The following RREB1 variants were observed in gnomAD, a reference collection of about 807,000 sequenced individuals.
RREB1 encodes the protein ras responsive element binding protein 1, also known as ras-responsive element-binding protein 1.
In RREB1, 27 loss-of-function variants were observed where a neutral mutation model predicts 117.8. The observed-to-expected ratio is 0.23, with a 90% confidence interval of 0.17 to 0.32. RREB1 has a LOEUF of 0.32. Ranked by LOEUF, RREB1 falls within the 10% of genes least tolerant of loss-of-function variation. RREB1 has a pLI of 1.00. For synonymous variants in RREB1, 1,298 were observed against 1,026.7 expected (o/e 1.26, Z -5.05); for missense variants, 2,577 against 2,378.2 (o/e 1.08, Z -1.74).
chr6:7,240,312 A>G, intron 10 of RREB1, 126 bp from the exon 11 acceptor site: 1 of 583,632 alleles, frequency 1.7e-6, no homozygotes. Context: ...TGTTTTGTTA[A>G]TTTTCTTGAA....
chr6:7,228,679 A>AT (rs377645284), intron 9 of RREB1, among the ~76,000 whole-genome samples: 55 of 148,178 alleles, frequency 3.7e-4, no homozygotes, highest in South Asian at 2.2e-3. Context: ...TAATTTTCTT[A>AT]TTTTTTTTTA....
intron 1 of RREB1, among the ~76,000 whole-genome samples, chr6:7,132,051 G>GT (rs985523590): frequency 1.3e-5 from 2 of 151,944 alleles, no homozygotes; most frequent in East Asian, 1.9e-4. Context: ...TAAAGATCGG[G>GT]TTTTTTTGGT....
chr6:7,234,149 A>G (rs1187681452), intron 10 of RREB1, among the ~76,000 whole-genome samples: 1 of 152,218 alleles, frequency 6.6e-6, no homozygotes, highest in African/African-American at 2.4e-5. Context: ...CTGACAAGTA[A>G]AGCAACCATT....
At chr6:7,129,965 G>A (rs908641543) in intron 1 of RREB1, among the ~76,000 whole-genome samples, 7 of 152,142 alleles carry the variant, frequency 4.6e-5, no homozygotes, top group African/African-American at 7.2e-5. Flanking sequence ...GTGGAGCTAC[G>A]GGTCAGTCAG....
intron 1 of RREB1, among the ~76,000 whole-genome samples, chr6:7,113,181 G>C (rs975557119): frequency 2.0e-5 from 3 of 152,196 alleles, no homozygotes; most frequent in Admixed American, 6.5e-5. Context: ...GGATTCACCT[G>C]AGGGCTTGCA....
In RREB1 at chr6:7,187,496, G is replaced by A; in HGVS notation, c.234G>A (p.Gln78=). Residue 78 remains glutamine (Q), a synonymous_variant, in exon 5 of 13, where the codon CAG becomes CAA. Transcript: ENST00000379938. The part of the protein sequence containing the change: ...CPLCEKICTT[Q]HQLTMHIRQH... ...TGTGTGAGAAGATTTGCACTACCCA[G>A]CACCAGCTGACCATGCACATTCGCC... The A allele has an allele frequency of 5.7e-6, 9 of 1,568,906 alleles. No homozygotes were observed. The highest frequency in any genetic ancestry group is 6.9e-6 in the Non-Finnish European group (8 of 1,152,106).
In RREB1 at chr6:7,181,959, C is replaced by T. The variant is rs759639384; in HGVS notation, c.48C>T (p.Ser16=). ...GCTTGGAAGGTTCAGACCTATCTTC[C>T]ATCAACACCATGATGTCGGCGGTCA... is the stretch of plus-strand genomic sequence containing the variant. ...PAGLEGSDLS[S]INTMMSAVMS... is the part of the protein sequence containing the mutation. The change falls in exon 4 of 13, where the codon TCC becomes TCT. Residue 16 remains serine (S), a synonymous_variant. Coordinates refer to ENST00000379938, the MANE Select transcript of RREB1 (RefSeq NM_001003699.4). 2 of 1,614,186 alleles carry T rather than the reference C, an allele frequency of 1.2e-6. No homozygotes were observed. Among genetic ancestry groups the T allele is most frequent in the Non-Finnish European group, 1.7e-6 (2 of 1,179,992 alleles).
At chr6:7,208,870 A>G (rs1766423984) in intron 6 of RREB1, among the ~76,000 whole-genome samples, 1 of 152,220 alleles carries the variant, frequency 6.6e-6, no homozygotes, top group South Asian at 2.1e-4. Flanking sequence ...GAACAGAGTT[A>G]ACTGACTGGC....
chr6:7,235,137 T>G (rs549695530), intron 10 of RREB1, among the ~76,000 whole-genome samples: 3 of 152,364 alleles, frequency 2.0e-5, no homozygotes, highest in Non-Finnish European at 4.4e-5. Flanking sequence ...TGGGCTTCAC[T>G]CTCAGCTTCC....
intron 6 of RREB1, among the ~76,000 whole-genome samples, chr6:7,207,541 C>T (rs1160857943): frequency 1.3e-5 from 2 of 152,202 alleles, no homozygotes; most frequent in East Asian, 1.9e-4. Context: ...AGGGTATAAA[C>T]ACACCCAATG....
rs771924875 is a variant in RREB1 at position 7,189,143 on chromosome 6, C to T, written c.262-16C>T. The T allele has an allele frequency of 8.7e-6, 14 of 1,609,038 alleles. No homozygotes were observed. Among genetic ancestry groups the T allele is most frequent in the Non-Finnish European group, 1.2e-5 (14 of 1,178,190 alleles). On this transcript the variant is annotated splice_polypyrimidine_tract_variant and intron_variant, in intron 5 of 12. Transcript: ENST00000379938. ...GCACTTTCTTAAGTGACCGCTGTGA[C>T]CATTGCTTTCTGCAGCACAACACAG... is the stretch of plus-strand genomic sequence containing the variant.
At chr6:7,205,180 C>T (rs998281052) in intron 6 of RREB1, among the ~76,000 whole-genome samples, 1 of 152,200 alleles carries the variant, frequency 6.6e-6, no homozygotes, top group Non-Finnish European at 1.5e-5. Context: ...TTCAGTATCA[C>T]CTGCAGGGCT....
intron 1 of RREB1, among the ~76,000 whole-genome samples, chr6:7,116,668 G>A (rs1761413058): frequency 6.6e-6 from 1 of 152,162 alleles, no homozygotes; most frequent in Non-Finnish European, 1.5e-5. Context: ...ATGAACTAAC[G>A]ATTTCAGCAT....
intron 1 of RREB1, among the ~76,000 whole-genome samples, chr6:7,141,064 G>A (rs1311389691): frequency 6.6e-6 from 1 of 152,220 alleles, no homozygotes; most frequent in East Asian, 1.9e-4. Flanking sequence ...GGGTCTGTCT[G>A]TGCCCTCCTC....
At chr6:7,209,248 G>A (rs756093067) in intron 6 of RREB1, among the ~76,000 whole-genome samples, 4 of 152,170 alleles carry the variant, frequency 2.6e-5, no homozygotes, top group East Asian at 3.8e-4. Context: ...AGAAAAGGGC[G>A]TGGATTTTGT....
chr6:7,233,388 T>C (rs893585758), intron 10 of RREB1, among the ~76,000 whole-genome samples: 28 of 152,358 alleles, frequency 1.8e-4, no homozygotes, highest in Admixed American at 9.8e-4. Context: ...TTTGTGTTAT[T>C]GAACTAAGCG....
rs375591269 is a variant in RREB1, at chr6:7,229,274, A to C, written c.1175A>C (p.Gln392Pro). 1 of 1,614,092 alleles carries C rather than the reference A, an allele frequency of 6.2e-7. No homozygotes were observed. Among genetic ancestry groups the C allele is most frequent in the African/African-American group, 1.3e-5 (1 of 75,004 alleles). ...CTGCCGGATGACAACCAGGCAATTC[A>C]GCTCCAGACACTCAAGTGTCAGCTA... Reference protein sequence around the residue: ...EPLPDDNQAIQLQTLKCQLPQ... With the variant: ...EPLPDDNQAIPLQTLKCQLPQ... The change falls in exon 10 of 13, where the codon CAG becomes CCG. Residue 392 changes from glutamine to proline, a missense_variant. Gln to Pro is a moderately conservative substitution (Grantham distance 76, BLOSUM62 -1). Coordinates refer to ENST00000379938, the MANE Select transcript of RREB1 (RefSeq NM_001003699.4). The surrounding 1 kb of genome is among the most constrained non-coding windows in gnomAD (Gnocchi z 4.5).
At chr6:7,108,324 C>T (rs977690662) in intron 1 of RREB1, among the ~76,000 whole-genome samples, 1 of 151,424 alleles carries the variant, frequency 6.6e-6, no homozygotes, top group Admixed American at 6.6e-5. Context: ...CATTCCTCCT[C>T]CTCCTCCTCC....
At chr6:7,110,023 T>C (rs897084574) in intron 1 of RREB1, among the ~76,000 whole-genome samples, 1 of 152,236 alleles carries the variant, frequency 6.6e-6, no homozygotes, top group Non-Finnish European at 1.5e-5. Context: ...ATGGTGTTGC[T>C]GGAAATAGCG....
Sources: allele counts gnomAD v4.1 joint callset (sites outside exome capture counted in the v4.1 genomes callset), GRCh38; gene constraint gnomAD v4.1.1; non-coding constraint Gnocchi (gnomAD v3.1); transcripts MANE v1.5; gene names NCBI Gene and HGNC (gene_info 2026-07-23, HGNC 2026-07-21).